SLC12A6: variants seen among roughly 807,000 people sequenced by gnomAD.
SLC12A6 encodes K-Cl cotransporter 3.
SLC12A6 carries 66 observed loss-of-function variants against 135.3 expected under a neutral mutation model. The ratio of observed to expected loss-of-function variants is 0.49; its 90% CI spans 0.40 to 0.60. The LOEUF (loss-of-function observed/expected upper bound fraction) is 0.60. Among genes scored for constraint, SLC12A6 ranks in the 20% least tolerant of loss-of-function variants. The pLI is 0.00. For missense variants in SLC12A6, 1,058 were observed against 1,452.3 expected (o/e 0.73, Z 4.41); for synonymous variants, 513 against 508.8 (o/e 1.01, Z -0.11).
At chr15:34,317,670 T>C (rs886319790) in intron 2 of SLC12A6, among the ~76,000 whole-genome samples, 16 of 152,112 alleles carry the variant, frequency 1.1e-4, no homozygotes, top group African/African-American at 3.9e-4. Flanking sequence ...CCCACTGCAT[T>C]CCAGCCTGGG....
intron 9 of SLC12A6, 37 bp from the exon 10 acceptor site, chr15:34,252,421 G>C: frequency 8.1e-7 from 1 of 1,239,074 alleles, no homozygotes; most frequent in South Asian, 1.2e-5. Context: ...ATCAAGTAAG[G>C]AAAAAAAGTA....
intron 10 of SLC12A6, among the ~76,000 whole-genome samples, chr15:34,251,826 G>A (rs1352863086): frequency 1.3e-5 from 2 of 152,212 alleles, no homozygotes; most frequent in Non-Finnish European, 2.9e-5. Context: ...ACATGTGGAT[G>A]TGGACATTAA....
At chr15:34,325,283 T>C in intron 2 of SLC12A6, among the ~76,000 whole-genome samples, 1 of 152,166 alleles carries the variant, frequency 6.6e-6, no homozygotes, top group African/African-American at 2.4e-5. Context: ...CCTCTGCAAC[T>C]GAGACAGGAA....
At chr15:34,235,916 G>A (rs1891229982) in intron 24 of SLC12A6, 99 bp downstream of exon 24, 1 of 927,858 alleles carries the variant, frequency 1.1e-6, no homozygotes, top group Non-Finnish European at 1.8e-6. Context: ...CTAGATTCAG[G>A]GTGAAATGAA....
intron 13 of SLC12A6, among the ~76,000 whole-genome samples, chr15:34,247,780 CTG>C (rs997991042): frequency 1.3e-5 from 2 of 151,784 alleles, no homozygotes; most frequent in Non-Finnish European, 2.9e-5. Context: ...TCATGACTGA[CTG>C]TAGCCTCAAC....
At chr15:34,254,881 T>C (rs1391968211) in intron 8 of SLC12A6, among the ~76,000 whole-genome samples, 2 of 152,194 alleles carry the variant, frequency 1.3e-5, no homozygotes, top group Non-Finnish European at 2.9e-5. Flanking sequence ...GTAATTATAA[T>C]GATGATCTTT....
At chr15:34,254,325 T>C in intron 9 of SLC12A6, 23 bp downstream of exon 9, 2 of 1,608,358 alleles carry the variant, frequency 1.2e-6, no homozygotes. Flanking sequence ...TAAGGATGGC[T>C]AGGCAGAGAG....
chr15:34,266,392 C>T (rs1265170541), intron 3 of SLC12A6, among the ~76,000 whole-genome samples: 4 of 151,976 alleles, frequency 2.6e-5, no homozygotes, highest in African/African-American at 9.7e-5. Context: ...GTTTATACCA[C>T]ATAATAACAA....
At chr15:34,286,711 G>A (rs893841572) in intron 2 of SLC12A6, among the ~76,000 whole-genome samples, 1 of 151,864 alleles carries the variant, frequency 6.6e-6, no homozygotes, top group African/African-American at 2.4e-5. Context: ...CAGGAGAATC[G>A]CTTGAACCTG....
rs1174264653 is a variant in SLC12A6, at chr15:34,238,286, A to G, written c.2748T>C (p.Ile916=). Residue 916 remains isoleucine (I), a synonymous_variant, in exon 21 of 26, where the codon ATT becomes ATC. Coordinates refer to ENST00000354181, the MANE Select transcript of SLC12A6 (RefSeq NM_001365088.1). The part of the protein sequence containing the change: ...FSEGNIDVWW[I]VHDGGMLMLL... ...GCATAAGCATCCCCCCATCATGCACAATCCACCACACATCAATGTTGCCCT... is the reference window on the plus strand; with the variant it reads ...GCATAAGCATCCCCCCATCATGCACGATCCACCACACATCAATGTTGCCCT... 5 of 1,613,642 alleles carry G rather than the reference A, an allele frequency of 3.1e-6. No individual in the cohort carries two copies. The highest frequency in any genetic ancestry group is 4.2e-6 in the Non-Finnish European group (5 of 1,179,638).
intron 2 of SLC12A6, among the ~76,000 whole-genome samples, chr15:34,332,113 T>A (rs537135267): frequency 2.1e-4 from 32 of 152,360 alleles, no homozygotes; most frequent in African/African-American, 7.2e-4. Context: ...TCTTAGTTGA[T>A]CATTTTCCTT....
intron 2 of SLC12A6, among the ~76,000 whole-genome samples, chr15:34,313,303 A>T (rs977405707): frequency 1.3e-5 from 2 of 152,202 alleles, no homozygotes; most frequent in African/African-American, 4.8e-5. Context: ...AGAAAGCTAA[A>T]CAACCTTATT....
intron 2 of SLC12A6, among the ~76,000 whole-genome samples, chr15:34,310,693 A>G (rs1330712331): frequency 2.0e-5 from 1 of 51,270 alleles, no homozygotes; most frequent in African/African-American, 1.1e-4. Flanking sequence ...CTGGTGTTGA[A>G]CTCCTGGGCT....
chr15:34,323,087 C>G (rs1446692144), intron 2 of SLC12A6, among the ~76,000 whole-genome samples: 8 of 149,510 alleles, frequency 5.4e-5, no homozygotes, highest in Non-Finnish European at 1.2e-4. Context: ...AATGAATAGG[C>G]AAGTCACAGA....
chr15:34,266,292 G>T (rs909046404), intron 3 of SLC12A6, among the ~76,000 whole-genome samples: 1 of 151,968 alleles, frequency 6.6e-6, no homozygotes, highest in Non-Finnish European at 1.5e-5. Context: ...ATTAGTATCA[G>T]ATAAATTTAT....
chr15:34,266,562 C>T (rs1893537565), intron 3 of SLC12A6, among the ~76,000 whole-genome samples: 1 of 152,284 alleles, frequency 6.6e-6, no homozygotes, highest in African/African-American at 2.4e-5. Flanking sequence ...CCACCTCAGC[C>T]TCCCAAGTAG....
chr15:34,243,058 T>C (rs937167273), intron 16 of SLC12A6, among the ~76,000 whole-genome samples: 3 of 151,896 alleles, frequency 2.0e-5, no homozygotes, highest in Non-Finnish European at 2.9e-5. Context: ...CATGCCCGGC[T>C]ACTTTTGTAT....
intron 10 of SLC12A6, among the ~76,000 whole-genome samples, chr15:34,251,953 A>G (rs1892420827): frequency 6.6e-6 from 1 of 152,170 alleles, no homozygotes; most frequent in Admixed American, 6.5e-5. Flanking sequence ...ATGGAGGTGA[A>G]TTTTAGCAGA....
At chr15:34,314,310 G>A (rs558226721) in intron 2 of SLC12A6, among the ~76,000 whole-genome samples, 81 of 152,180 alleles carry the variant, frequency 5.3e-4, no homozygotes, top group Admixed American at 9.2e-4. Flanking sequence ...GCCTCCCAAA[G>A]TGCTGGGATT....
Sources: gnomAD v4.1 joint callset for allele counts (sites outside exome capture counted in the v4.1 genomes callset) on GRCh38, gnomAD v4.1.1 for gene constraint, MANE v1.5 for transcripts, NCBI Gene and HGNC (gene_info 2026-07-23, HGNC 2026-07-21) for gene names.